ZNF624: variants seen among roughly 807,000 people sequenced by gnomAD.
ZNF624 encodes zinc finger protein 624.
In ZNF624, 43 loss-of-function variants were observed where a neutral mutation model predicts 74.7. That is an observed-to-expected ratio of 0.58 (90% CI 0.45 to 0.74). The LOEUF is 0.74. Ranked by LOEUF, ZNF624 falls within the 30% of genes least tolerant of loss-of-function variation. ZNF624 has a pLI of 0.00. For synonymous variants in ZNF624, 331 were observed against 341.3 expected, an observed-to-expected ratio of 0.97 and a Z score of 0.33; for missense variants, 820 against 1,030.0, an observed-to-expected ratio of 0.80 and a Z score of 2.79.
intron 3 of ZNF624, among the ~76,000 whole-genome samples, chr17:16,645,862 G>T (rs767028874): frequency 1.1e-4 from 15 of 141,418 alleles, no homozygotes; most frequent in Non-Finnish European, 2.1e-4. Context: ...TGAGGCAGGA[G>T]AATCGCTTGT....
At chr17:16,615,012 G>A in the ZNF624 span, among the ~76,000 whole-genome samples, 29 of 152,198 alleles carry the variant, frequency 1.9e-4, no homozygotes, top group African/African-American at 7.0e-4. Context: ...CAAATTCATA[G>A]AGACAGAAAA....
intron 4 of ZNF624, 53 bp from the exon 5 acceptor site, chr17:16,634,010 T>C: frequency 6.9e-7 from 1 of 1,441,624 alleles, no homozygotes; most frequent in South Asian, 1.2e-5. Flanking sequence ...CAAGAACTCC[T>C]GCCAAATTCA....
At chr17:16,629,566 C>T (rs75728834) in intron 5 of ZNF624, among the ~76,000 whole-genome samples, 11,260 of 150,940 alleles carry the variant, frequency 0.075, 567 homozygotes, top group Middle Eastern at 0.18. Context: ...TATTTATTTA[C>T]TTACTTACTT....
At chr17:16,636,035 G>A (rs1256426675) in intron 3 of ZNF624, among the ~76,000 whole-genome samples, 2 of 152,124 alleles carry the variant, frequency 1.3e-5, no homozygotes, top group Non-Finnish European at 2.9e-5. Flanking sequence ...ATATTAAAAA[G>A]CAAGGAAGCT....
At chr17:16,629,679 G>A (rs923459425) in intron 5 of ZNF624, among the ~76,000 whole-genome samples, 1 of 152,058 alleles carries the variant, frequency 6.6e-6, no homozygotes, top group Non-Finnish European at 1.5e-5. Context: ...TGATTCTTGT[G>A]CCTCTGCCTT....
At chr17:16,634,944 G>A (rs1909293155) in intron 3 of ZNF624, among the ~76,000 whole-genome samples, 188 bp from the exon 4 acceptor site, 1 of 152,162 alleles carries the variant, frequency 6.6e-6, no homozygotes, top group East Asian at 1.9e-4. Context: ...ATAATATGCT[G>A]CCTATATCAT....
intron 5 of ZNF624, among the ~76,000 whole-genome samples, chr17:16,633,367 G>T (rs1909249164): frequency 6.6e-6 from 1 of 152,154 alleles, no homozygotes; most frequent in South Asian, 2.1e-4. Context: ...TTAGCAATTA[G>T]TTAAAAACCT....
intron 3 of ZNF624, among the ~76,000 whole-genome samples, chr17:16,637,353 T>C (rs1374389436): frequency 3.9e-5 from 6 of 152,120 alleles, no homozygotes; most frequent in East Asian, 1.9e-4. Flanking sequence ...CTTCACAGAA[T>C]TGGAAAAAAC....
chr17:16,617,678 C>T, downstream of ZNF624: 2 of 1,606,210 alleles, frequency 1.2e-6, no homozygotes, highest in Non-Finnish European at 1.7e-6. Context: ...CCCGGGCGTG[C>T]TCTACGATCA....
chr17:16,650,392 T>TA (rs1909695069), intron 1 of ZNF624, among the ~76,000 whole-genome samples: 1 of 140,956 alleles, frequency 7.1e-6, no homozygotes, highest in East Asian at 2.2e-4. Flanking sequence ...CAGGCAAACT[T>TA]AAACAAAAAG....
rs182317540 is a variant in ZNF624 at position 16,630,268 on chromosome 17, G to A, written c.376+3594C>T. Among the ~76,000 whole-genome samples, 904 of 151,660 alleles carry A rather than the reference G, an allele frequency of 6.0e-3. 27 individuals carry two copies. Among genetic ancestry groups the A allele is most frequent in the Admixed American group, 0.049 (744 of 15,220 alleles). ...TGAAGATATTTTTAGAAAAAAAAAAGAGAAGAGGCTGTGCGTGGTGGCTAT... is the reference window on the plus strand; with the variant it reads ...TGAAGATATTTTTAGAAAAAAAAAAAAGAAGAGGCTGTGCGTGGTGGCTAT... On this transcript the variant is annotated intron_variant, in intron 5 of 5. Coordinates refer to ENST00000311331, the MANE Select transcript of ZNF624 (RefSeq NM_020787.4).
intron 3 of ZNF624, among the ~76,000 whole-genome samples, chr17:16,639,389 T>C (rs1470898865): frequency 6.6e-6 from 1 of 152,216 alleles, no homozygotes; most frequent in Non-Finnish European, 1.5e-5. Flanking sequence ...ATGGCGAATG[T>C]AGGACATGTT....
chr17:16,626,727 G>A (rs909945851), intron 5 of ZNF624, among the ~76,000 whole-genome samples: 1 of 152,168 alleles, frequency 6.6e-6, no homozygotes, highest in African/African-American at 2.4e-5. Flanking sequence ...ACTACAGCCT[G>A]GGTGACAAAG....
At chr17:16,635,509 GT>G (rs1220190032) in intron 3 of ZNF624, among the ~76,000 whole-genome samples, 2 of 152,016 alleles carry the variant, frequency 1.3e-5, no homozygotes, top group South Asian at 2.1e-4. Flanking sequence ...AAAATTAAGA[GT>G]AACATGAAAC....
At chr17:16,626,148 G>T (rs1014074399) in intron 5 of ZNF624, among the ~76,000 whole-genome samples, 3 of 151,898 alleles carry the variant, frequency 2.0e-5, no homozygotes, top group African/African-American at 7.3e-5. Flanking sequence ...AAAGCATTTT[G>T]CTATGTTGGC....
chr17:16,652,154 G>C (rs963468815), intron 1 of ZNF624, among the ~76,000 whole-genome samples: 27 of 152,046 alleles, frequency 1.8e-4, no homozygotes, highest in African/African-American at 6.5e-4. Flanking sequence ...TTAATTTTTG[G>C]GGGGGTACGG....
At chr17:16,633,796 G>C (rs1028581571) in intron 5 of ZNF624, 66 bp downstream of exon 5, 8 of 1,221,964 alleles carry the variant, frequency 6.5e-6, no homozygotes, top group Non-Finnish European at 9.5e-6. Context: ...CAGATGTTCT[G>C]GTGAACATCC....
rs1487580310 is a variant in ZNF624, at chr17:16,620,874, C to G, written c.*1414G>C. ...ATAACCATCATTAATTTTTTGGAGA[C>G]CATCCTTTCATCTCTCTCAAAAGTT... On this transcript the variant is annotated 3_prime_UTR_variant, in exon 6 of 6. Coordinates refer to ENST00000311331, the MANE Select transcript of ZNF624 (RefSeq NM_020787.4). 1 of 151,904 alleles carries G rather than the reference C, an allele frequency of 6.6e-6. No homozygotes were observed. The highest frequency in any genetic ancestry group is 2.4e-5 in the African/African-American group (1 of 41,334). The allele number at this position is 151,904 out of a possible 1,614,324, so 9.4% of individuals were successfully genotyped here.
At chr17:16,637,976 AG>A (rs1302506959) in intron 3 of ZNF624, among the ~76,000 whole-genome samples, 2 of 152,192 alleles carry the variant, frequency 1.3e-5, no homozygotes, top group Admixed American at 6.5e-5. Flanking sequence ...CATCTGACAA[AG>A]GGCTAATATC....
Sources: allele counts gnomAD v4.1 joint callset (sites outside exome capture counted in the v4.1 genomes callset), GRCh38; gene constraint gnomAD v4.1.1; transcripts MANE v1.5; gene names NCBI Gene and HGNC (gene_info 2026-07-23, HGNC 2026-07-21).